SIN3A: variants seen among roughly 807,000 people sequenced by gnomAD.
SIN3A encodes the protein SIN3 transcription regulator family member A, also known as paired amphipathic helix protein Sin3a.
Under a neutral mutation model 146.1 loss-of-function variants are expected in SIN3A, and 14 were observed. The ratio of observed to expected loss-of-function variants is 0.10; its 90% CI spans 0.06 to 0.15. SIN3A has a LOEUF of 0.15. Ranked by LOEUF, SIN3A falls within the 10% of genes least tolerant of loss-of-function variation. SIN3A has a pLI of 1.00. For synonymous variants in SIN3A, 572 were observed against 572.0 expected (o/e 1.00, Z 0.00); for missense variants, 1,028 against 1,576.0 (o/e 0.65, Z 5.89).
intron 1 of SIN3A, among the ~76,000 whole-genome samples, chr15:75,441,335 A>C (rs975092606): frequency 5.3e-5 from 8 of 152,082 alleles, no homozygotes; most frequent in African/African-American, 1.9e-4. Flanking sequence ...AAAAAAAAAC[A>C]GGGTCTTGCT....
intron 1 of SIN3A, among the ~76,000 whole-genome samples, chr15:75,434,598 C>T (rs1211596689): frequency 6.7e-6 from 1 of 150,158 alleles, no homozygotes; most frequent in African/African-American, 2.5e-5. Context: ...TGCAGTGAGC[C>T]GAAATCGCGC....
chr15:75,425,523 A>C (rs1468007109), intron 2 of SIN3A, among the ~76,000 whole-genome samples: 4 of 152,228 alleles, frequency 2.6e-5, no homozygotes, highest in Non-Finnish European at 4.4e-5. Flanking sequence ...CTAATGTAAA[A>C]TAAATTTTTT....
rs1175637599 is a variant in SIN3A at position 75,422,706 on chromosome 15, C to G, written c.307G>C (p.Ala103Pro). The change falls in exon 3 of 21, where the codon GCT becomes CCT. Residue 103 changes from alanine to proline, a missense_variant. Transcript: ENST00000394947. ...PHGGQVVQSHAHPAPPVAPVQ... is the reference protein window; with the variant it reads ...PHGGQVVQSHPHPAPPVAPVQ... Reference sequence around the variant, plus strand: ...GGTGCAACTGGTGGGGCTGGATGAGCATGACTCTGGACCACCTGGCCTCCG... The same window carrying G: ...GGTGCAACTGGTGGGGCTGGATGAGGATGACTCTGGACCACCTGGCCTCCG... The G allele has an allele frequency of 6.2e-7, 1 of 1,614,088 alleles. No homozygotes were observed. Among genetic ancestry groups the G allele is most frequent in the African/African-American group, 1.3e-5 (1 of 74,932 alleles).
At chr15:75,416,812 T>C (rs1376186957) in intron 3 of SIN3A, among the ~76,000 whole-genome samples, 1 of 152,258 alleles carries the variant, frequency 6.6e-6, no homozygotes, top group Non-Finnish European at 1.5e-5. Context: ...AGTCAAACTT[T>C]CCAGTGATGC....
At chr15:75,414,419 GAAGT>G (rs1470273909) in intron 3 of SIN3A, 108 bp from the exon 4 acceptor site, 2 of 449,948 alleles carry the variant, frequency 4.4e-6, no homozygotes, top group African/African-American at 4.0e-5. Context: ...TGCAGTAAAT[GAAGT>G]AAAAATATAT....
chr15:75,403,975 A>G (rs189903591), intron 9 of SIN3A, among the ~76,000 whole-genome samples: 106 of 152,346 alleles, frequency 7.0e-4, no homozygotes, highest in African/African-American at 2.5e-3. Context: ...CTCTATTTAC[A>G]ATATTGAGCA....
chr15:75,396,499 G>C lies in SIN3A; in HGVS notation c.1855-3C>G. 6.2e-7 allele frequency: 1 copy of C among 1,600,744 alleles called. No individual in the cohort carries two copies. ...TTGGTCTCTAAAACTACATCAAGCT[G>C]AAGAGGAAGACAAAGAAGGGTATGC... On this transcript the variant is annotated splice_polypyrimidine_tract_variant and splice_region_variant and intron_variant, in intron 12 of 20. Transcript: ENST00000394947.
intron 16 of SIN3A, among the ~76,000 whole-genome samples, chr15:75,384,952 T>C (rs1425010659): frequency 6.6e-6 from 1 of 152,140 alleles, no homozygotes; most frequent in Non-Finnish European, 1.5e-5. Context: ...GGTGGGCCAA[T>C]CACCTGAGGT....
chr15:75,406,996 A>C (rs1452184689), intron 9 of SIN3A, 59 bp downstream of exon 9: 20 of 1,212,410 alleles, frequency 1.6e-5, no homozygotes, highest in Non-Finnish European at 2.3e-5. Flanking sequence ...CCAGGGGGAT[A>C]AGATGATTTT....
intron 19 of SIN3A, among the ~76,000 whole-genome samples, chr15:75,377,236 T>A (rs1444065095): frequency 6.6e-6 from 1 of 152,212 alleles, no homozygotes. Context: ...TTTACTTCCA[T>A]GATTTTGCAC....
At chr15:75,413,103 G>A in intron 4 of SIN3A, 58 bp from the exon 5 acceptor site, 1 of 1,510,820 alleles carries the variant, frequency 6.6e-7, no homozygotes, top group South Asian at 1.3e-5. Context: ...ACCCTGTTAA[G>A]AAAAAATTTC....
At chr15:75,454,277 A>G (rs972432022), upstream of SIN3A, among the ~76,000 whole-genome samples, 4 of 152,168 alleles carry the variant, frequency 2.6e-5, no homozygotes, top group African/African-American at 7.2e-5. Context: ...TCGCCTAGCC[A>G]GTGGAAGACA....
rs149826812 is a variant in SIN3A, at chr15:75,432,913, G to A, written c.-33-2505C>T. ...CAAAATTAGCTGGGCATGATGGCAC[G>A]CATCTGTAATCCCAGCTACTTGGGA... On this transcript the variant is annotated intron_variant, in intron 1 of 20. Transcript: ENST00000394947. 3.6e-3 allele frequency among the ~76,000 whole-genome samples: 545 copies of A among 151,946 alleles called. 3 individuals carry two copies. The highest frequency in any genetic ancestry group is 6.9e-3 in the Non-Finnish European group (469 of 67,952).
intron 9 of SIN3A, among the ~76,000 whole-genome samples, chr15:75,405,086 G>A (rs1272329705): frequency 6.6e-6 from 1 of 152,030 alleles, no homozygotes. Flanking sequence ...AATAAAAAAG[G>A]CCAGGTGTGG....
chr15:75,398,867 C>T (rs118073632), intron 12 of SIN3A, among the ~76,000 whole-genome samples: 17 of 151,794 alleles, frequency 1.1e-4, no homozygotes, highest in Non-Finnish European at 2.2e-4. Context: ...AAATTAGCCA[C>T]AGGGGGTAGG....
chr15:75,390,287 G>C (rs1388191636), intron 15 of SIN3A, among the ~76,000 whole-genome samples: 1 of 152,150 alleles, frequency 6.6e-6, no homozygotes, highest in Non-Finnish European at 1.5e-5. Flanking sequence ...TCCAGCACTG[G>C]GAAACCTCTT....
chr15:75,450,152 G>C (rs180695296), intron 1 of SIN3A, among the ~76,000 whole-genome samples: 1 of 151,884 alleles, frequency 6.6e-6, no homozygotes, highest in Non-Finnish European at 1.5e-5. Flanking sequence ...CAGAGATATC[G>C]GAGTATTTTA....
chr15:75,454,480 G>A (rs879709265), upstream of SIN3A, among the ~76,000 whole-genome samples: 27 of 151,070 alleles, frequency 1.8e-4, no homozygotes, highest in Non-Finnish European at 3.4e-4. Flanking sequence ...TCCCGGCGTC[G>A]CCCCGCCCGG....
chr15:75,454,444 G>A (rs2074458432), upstream of SIN3A, among the ~76,000 whole-genome samples: 1 of 151,224 alleles, frequency 6.6e-6, no homozygotes, highest in African/African-American at 2.4e-5. Context: ...CCCGGCGCTC[G>A]GTGGACTGGG....
Sources: gnomAD v4.1 joint callset for allele counts (sites outside exome capture counted in the v4.1 genomes callset) on GRCh38, gnomAD v4.1.1 for gene constraint, MANE v1.5 for transcripts, NCBI Gene and HGNC (gene_info 2026-07-23, HGNC 2026-07-21) for gene names.